Variants in RBBP6 observed in about 807,000 individuals in gnomAD.
The protein encoded by RBBP6 is RB binding protein 6, ubiquitin ligase, also known as E3 ubiquitin-protein ligase RBBP6.
A neutral mutation model predicts 167.7 loss-of-function variants in RBBP6; 25 were observed. The observed-to-expected ratio is 0.15, with a 90% CI of 0.11 to 0.21. The LOEUF is 0.21. RBBP6 is among the 10% of genes least tolerant of loss of function. The probability of loss-of-function intolerance (pLI) is 1.00; values close to 1 mark genes in which losing one functional copy is unlikely to be tolerated. For missense variants in RBBP6, 1,868 were observed against 2,134.2 expected, an observed-to-expected ratio of 0.88 and a Z score of 2.46; for synonymous variants, 789 against 735.8, an observed-to-expected ratio of 1.07 and a Z score of -1.17.
intron 8 of RBBP6, among the ~76,000 whole-genome samples, chr16:24,560,768 C>G (rs1278918511): frequency 6.6e-6 from 1 of 152,130 alleles, no homozygotes; most frequent in African/African-American, 2.4e-5. Context: ...TACAAGCAAT[C>G]TAGAGATTAT....
chr16:24,561,483 A>G, intron 8 of RBBP6, 129 bp from the exon 9 acceptor site: 1 of 755,020 alleles, frequency 1.3e-6, no homozygotes, highest in South Asian at 1.8e-5. Context: ...TAATCTAAGA[A>G]ATGATTAGCA....
In RBBP6 at chr16:24,561,880, A is replaced by G; in HGVS notation, c.1008A>G (p.Leu336=). The G allele has an allele frequency of 2.5e-6, 4 of 1,613,828 alleles. No homozygotes were observed. The highest frequency in any genetic ancestry group is 3.4e-6 in the Non-Finnish European group (4 of 1,179,878). The change falls in exon 10 of 18, where the codon TTA becomes TTG. Residue 336 remains leucine (L), a synonymous_variant. Transcript: ENST00000319715. ...TGYTKRLRKQ[L]PPPPPPIPPP... is the part of the protein sequence containing the mutation. ...ATACAAAAAGACTACGAAAACAGTT[A>G]CCTCCTCCACCACCCCCAATACCAC...
intron 3 of RBBP6, among the ~76,000 whole-genome samples, chr16:24,551,051 A>G (rs1394058562): frequency 1.3e-5 from 2 of 151,896 alleles, no homozygotes; most frequent in African/African-American, 2.4e-5. Flanking sequence ...GGCTGTTTCC[A>G]TATTCCCCAG....
chr16:24,558,474 C>T, intron 7 of RBBP6: 2 of 983,824 alleles, frequency 2.0e-6, no homozygotes, highest in Non-Finnish European at 2.4e-6. Context: ...CAAATTGATA[C>T]TTATTTCTGG....
intron 1 of RBBP6, among the ~76,000 whole-genome samples, chr16:24,544,937 A>G (rs1596498994): frequency 1.3e-5 from 2 of 152,106 alleles, no homozygotes; most frequent in African/African-American, 4.8e-5. Context: ...AGCTTTGTCA[A>G]TCCTACCTGC....
chr16:24,558,370 TCTC>T (rs1898968420), intron 7 of RBBP6: 2 of 640,968 alleles, frequency 3.1e-6, no homozygotes, highest in Non-Finnish European at 1.9e-6. Context: ...TATCCTCTGT[TCTC>T]CTCTTTTTTT....
intron 2 of RBBP6, among the ~76,000 whole-genome samples, chr16:24,546,515 A>G (rs1898653833): frequency 6.6e-6 from 1 of 152,242 alleles, no homozygotes; most frequent in Non-Finnish European, 1.5e-5. Flanking sequence ...ATTTACAGAT[A>G]CAAGAAAGTG....
chr16:24,570,648 G>A (rs1899303737), intron 17 of RBBP6, 149 bp downstream of exon 17: 1 of 867,586 alleles, frequency 1.2e-6, no homozygotes. Context: ...CTTTGAAGAA[G>A]GGAATTGCCA....
At position 24,555,802 on chromosome 16, in the gene RBBP6, T is replaced by A; in HGVS notation, c.438-19T>A. On this transcript the variant is annotated intron_variant, in intron 5 of 17. Transcript: ENST00000319715. ...TTTCAAAGTCCTCGTATACATGTAA[T>A]TTTTTTTCCCCCTTTTAGTTACATG... 1 of 1,582,178 alleles carries A rather than the reference T, an allele frequency of 6.3e-7. No individual in the cohort carries two copies. Among genetic ancestry groups the A allele is most frequent in the Non-Finnish European group, 8.7e-7 (1 of 1,152,242 alleles).
chr16:24,564,437 A>G (rs181587493), intron 13 of RBBP6, among the ~76,000 whole-genome samples: 81 of 152,276 alleles, frequency 5.3e-4, no homozygotes, highest in African/African-American at 1.9e-3. Flanking sequence ...GAATGACACT[A>G]CCTACCTTAA....
intron 6 of RBBP6, among the ~76,000 whole-genome samples, 175 bp from the exon 7 acceptor site, chr16:24,556,133 C>G (rs1289419588): frequency 2.0e-5 from 3 of 152,106 alleles, no homozygotes; most frequent in Admixed American, 2.0e-4. Context: ...TTTTTCTTCT[C>G]TAAAATGGAG....
At chr16:24,553,195 T>C (rs1329689889) in intron 3 of RBBP6, 1 of 223,252 alleles carries the variant, frequency 4.5e-6, no homozygotes, top group Non-Finnish European at 8.9e-6. Context: ...GTCTTGAGTA[T>C]TGTCACATTT....
chr16:24,556,390 A>G lies in RBBP6; in HGVS notation c.617A>G (p.Asn206Ser), dbSNP rs778953194. The G allele has an allele frequency of 6.2e-7, 1 of 1,605,312 alleles. No homozygotes were observed. The highest frequency in any genetic ancestry group is 1.1e-5 in the South Asian group (1 of 90,890). Residue 206 changes from asparagine (N) to serine (S), a missense_variant, in exon 7 of 18, where the codon AAT (asparagine) becomes AGT (serine). Physicochemically the swap from Asn to Ser is conservative, Grantham distance 46. Transcript: ENST00000319715. ...RSFMMEVKDPNMKGAMLTNTG... is the reference protein window; with the variant it reads ...RSFMMEVKDPSMKGAMLTNTG... ...TTCATGATGGAAGTGAAAGATCCTA[A>G]TATGAAAGGTGCAATGCTTACCAAC...
intron 6 of RBBP6, 60 bp from the exon 7 acceptor site, chr16:24,556,248 T>G: frequency 7.3e-7 from 1 of 1,366,024 alleles, no homozygotes; most frequent in Non-Finnish European, 1.0e-6. Context: ...TTAGCTAATT[T>G]ATTAAATAAA....
Position 24,562,140 on chromosome 16 carries a change from A to G in RBBP6, c.1268A>G (p.Glu423Gly). The G allele has an allele frequency of 6.2e-7, 1 of 1,610,810 alleles. No homozygotes were observed. Among genetic ancestry groups the G allele is most frequent in the African/African-American group, 1.3e-5 (1 of 75,008 alleles). ...TATVSISVHS[E>G]KSDGPFRDSD... Reference sequence around the variant, plus strand: ...ACAGTATCCATATCAGTTCATTCAGAAAAATCAGATGGACCTTTTCGGTAA... The same window carrying G: ...ACAGTATCCATATCAGTTCATTCAGGAAAATCAGATGGACCTTTTCGGTAA... The change falls in exon 10 of 18, where the codon GAA (glutamate) becomes GGA (glycine). Residue 423 changes from glutamate (E) to glycine (G), a missense_variant. Around this residue, in one of 7 missense-constraint regions of RBBP6, gnomAD observed 245 missense variants for 240.1 expected, o/e 1.02. Coordinates refer to ENST00000319715, the MANE Select transcript of RBBP6 (RefSeq NM_006910.5).
rs761544865 is a variant in RBBP6 at position 24,546,115 on chromosome 16, G to T, written c.167-48G>T. 1.2e-5 allele frequency: 19 copies of T among 1,520,926 alleles called. No individual in the cohort carries two copies. In the African/African-American group the frequency reaches 2.3e-4, roughly 18 times the overall value. The allele number at this position is 1,520,926 out of a possible 1,614,324, so 94.2% of individuals were successfully genotyped here. A position where few individuals can be genotyped will look rare whatever the true frequency, so the allele number is the denominator to read the frequency against. ...TTGAAGTTTTCTAATTCTTGGTTAC[G>T]CACTCAAATCCCCAAATGGAAATTC... is the stretch of plus-strand genomic sequence containing the variant. On this transcript the variant is annotated intron_variant, in intron 1 of 17. Transcript: ENST00000319715.
rs1898908876 is a variant in RBBP6, at chr16:24,556,197, A to G, written c.535-111A>G. ...TTACAAGGATTAAATGAGATCACAT[A>G]TGTAAAGCACTACAAGTAATATAGT... On this transcript the variant is annotated intron_variant, in intron 6 of 17. Transcript: ENST00000319715. 8.1e-6 allele frequency: 7 copies of G among 869,548 alleles called. No individual in the cohort carries two copies. In the South Asian group the frequency reaches 8.6e-5, roughly 11 times the overall value. 53.9% of individuals were successfully genotyped at this position (869,548 alleles called of 1,614,324 possible). A position where few individuals can be genotyped will look rare whatever the true frequency, so the allele number is the denominator to read the frequency against.
intron 8 of RBBP6, among the ~76,000 whole-genome samples, chr16:24,560,060 T>G (rs1326026798): frequency 6.6e-6 from 1 of 151,990 alleles, no homozygotes; most frequent in Non-Finnish European, 1.5e-5. Context: ...GTGAATAGCT[T>G]ATCCTAATAT....
chr16:24,571,497 T>C lies in RBBP6; in HGVS notation c.4431T>C (p.Tyr1477=). The stretch of plus-strand genomic sequence containing the variant: ...CCAATAGAGACAAAAAAACTGACTA[T>C]GACACCAGAGAGTATTCAAGTTCCA... ...FTPNRDKKTD[Y]DTREYSSSKR... The change falls in exon 18 of 18, where the codon TAT becomes TAC. Residue 1477 remains tyrosine, a synonymous_variant. Transcript: ENST00000319715. The C allele has an allele frequency of 6.2e-7, 1 of 1,612,710 alleles. No individual in the cohort carries two copies. The highest frequency in any genetic ancestry group is 8.5e-7 in the Non-Finnish European group (1 of 1,179,764).
Sources: gnomAD v4.1 joint callset for allele counts (sites outside exome capture counted in the v4.1 genomes callset) on GRCh38, gnomAD v4.1.1 for gene constraint, gnomAD v4.1.1 regional missense constraint, MANE v1.5 for transcripts, NCBI Gene and HGNC (gene_info 2026-07-23, HGNC 2026-07-21) for gene names.